TLL2: variants seen among roughly 807,000 people sequenced by gnomAD.
The protein encoded by TLL2 is tolloid-like protein 2.
In TLL2, 106 loss-of-function variants were observed where a neutral mutation model predicts 123.0. The observed-to-expected ratio is 0.86, with a 90% CI of 0.74 to 1.01. The LOEUF is 1.01. Among genes scored for constraint, TLL2 ranks in the 50% least tolerant of loss-of-function variants. The pLI is 0.00. For synonymous variants in TLL2, 494 were observed against 516.8 expected, an observed-to-expected ratio of 0.96 and a Z score of 0.60; for missense variants, 1,332 against 1,336.7, an observed-to-expected ratio of 1.00 and a Z score of 0.06.
In TLL2 at chr10:96,365,185, G is replaced by A. The variant is rs896329803; in HGVS notation, c.*2903C>T. 14 of 152,100 alleles carry A rather than the reference G, an allele frequency of 9.2e-5. No individual in the cohort carries two copies. Among genetic ancestry groups the A allele is most frequent in the African/African-American group, 3.1e-4 (13 of 41,412 alleles). The allele number at this position is 152,100 out of a possible 1,614,324, so 9.4% of individuals were successfully genotyped here. On this transcript the variant is annotated 3_prime_UTR_variant, in exon 21 of 21. Transcript: ENST00000357947. ...TTTGTGTCGGGCCATATTCAAAGCCGTCCTGGGCCAAGGGTTGGACAAGCT... is the reference window on the plus strand; with the variant it reads ...TTTGTGTCGGGCCATATTCAAAGCCATCCTGGGCCAAGGGTTGGACAAGCT...
At position 96,421,049 on chromosome 10, in the gene TLL2, T is replaced by C. The variant is rs758997182; in HGVS notation, c.830A>G (p.Asn277Ser). ...TTCCCCAGCTTCCATTTTTAAGAAA[T>C]TATACTCCTGACCTGTGACACAACA... ...RENIQPGQEY[N>S]FLKMEAGEVS... Residue 277 changes from asparagine to serine, a missense_variant, in exon 7 of 21, where the codon AAT (asparagine) becomes AGT (serine). Asn to Ser is a conservative substitution (Grantham distance 46). Transcript: ENST00000357947. The C allele has an allele frequency of 1.2e-6, 2 of 1,613,924 alleles. No individual in the cohort carries two copies. Among genetic ancestry groups the C allele is most frequent in the South Asian group, 2.2e-5 (2 of 91,080 alleles).
intron 4 of TLL2, among the ~76,000 whole-genome samples, chr10:96,431,560 T>C (rs905242994): frequency 2.0e-5 from 3 of 152,124 alleles, no homozygotes; most frequent in African/African-American, 4.8e-5. Flanking sequence ...AGGCTTTCCA[T>C]TGACATTGGC....
At chr10:96,466,877 G>A (rs1847137344) in intron 2 of TLL2, among the ~76,000 whole-genome samples, 1 of 152,170 alleles carries the variant, frequency 6.6e-6, no homozygotes, top group Non-Finnish European at 1.5e-5. Context: ...ACTCATTCTT[G>A]GACCTCAGGA....
chr10:96,396,215 T>C (rs1201801724), intron 11 of TLL2, among the ~76,000 whole-genome samples, 195 bp from the exon 12 acceptor site: 2 of 149,258 alleles, frequency 1.3e-5, no homozygotes, highest in Non-Finnish European at 3.0e-5. Flanking sequence ...CTGAATTTTT[T>C]TCATATAAAG....
intron 13 of TLL2, among the ~76,000 whole-genome samples, chr10:96,388,231 G>A (rs1440895597): frequency 1.3e-5 from 2 of 152,070 alleles, no homozygotes; most frequent in African/African-American, 4.8e-5. Context: ...GTGAAACCCC[G>A]TCTCTACTAA....
intron 5 of TLL2, among the ~76,000 whole-genome samples, chr10:96,428,201 A>G (rs1422054030): frequency 6.6e-6 from 1 of 152,206 alleles, no homozygotes; most frequent in East Asian, 1.9e-4. Context: ...TCATTTTATT[A>G]CATATTATGT....
rs559109922 is a variant in TLL2, at chr10:96,395,065, G to A, written c.1726+122C>T. ...ACACCCAGCTCTGAAATGCATCGCT[G>A]CCTTTTCTCTGCAGGGAGCCTTGTT... is the stretch of plus-strand genomic sequence containing the variant. On this transcript the variant is annotated intron_variant, in intron 13 of 20. Coordinates refer to ENST00000357947, the MANE Select transcript of TLL2 (RefSeq NM_012465.4). 35 of 1,057,146 alleles carry A rather than the reference G, an allele frequency of 3.3e-5. No individual in the cohort carries two copies. In the African/African-American group the frequency reaches 4.1e-4, roughly 12 times the overall value. The allele number at this position is 1,057,146 out of a possible 1,614,324, so 65.5% of individuals were successfully genotyped here.
intron 2 of TLL2, among the ~76,000 whole-genome samples, chr10:96,465,523 C>T (rs1248334036): frequency 6.6e-6 from 1 of 152,152 alleles, no homozygotes; most frequent in African/African-American, 2.4e-5. Context: ...GAGACTGAAC[C>T]CTCAAGAAAA....
chr10:96,445,165 G>A (rs1181172359), intron 3 of TLL2, among the ~76,000 whole-genome samples: 1 of 152,160 alleles, frequency 6.6e-6, no homozygotes, highest in Non-Finnish European at 1.5e-5. Context: ...CTCCAGCCTG[G>A]GCGACAGAGC....
chr10:96,466,947 T>A (rs1230256159), intron 2 of TLL2, among the ~76,000 whole-genome samples: 1 of 152,178 alleles, frequency 6.6e-6, no homozygotes, highest in Non-Finnish European at 1.5e-5. Context: ...CAAGGTGAAG[T>A]AACATCTTCA....
Position 96,364,733 on chromosome 10 carries a change from AT to A in TLL2, c.*3354del, listed in dbSNP as rs2134046421. The A allele has an allele frequency of 6.5e-6, 1 of 152,758 alleles. No homozygotes were observed. The highest frequency in any genetic ancestry group is 2.1e-4 in the South Asian group (1 of 4,828). The allele number at this position is 152,758 out of a possible 1,614,324, so 9.5% of individuals were successfully genotyped here. A position where few individuals can be genotyped will look rare whatever the true frequency, so the allele number is the denominator to read the frequency against. ...AAATTACACAAAATAAAAAATACCC[AT>A]ATGTTTACATATAATACTTTAAACA... On this transcript the variant is annotated 3_prime_UTR_variant, in exon 21 of 21. Coordinates refer to ENST00000357947, the MANE Select transcript of TLL2 (RefSeq NM_012465.4).
At chr10:96,386,557 C>T (rs183466598) in intron 14 of TLL2, among the ~76,000 whole-genome samples, 73 of 152,302 alleles carry the variant, frequency 4.8e-4, no homozygotes, top group Non-Finnish European at 9.3e-4. Flanking sequence ...CATGAACAAG[C>T]GGATTCATGC....
chr10:96,455,787 C>T (rs1250336391), intron 2 of TLL2, among the ~76,000 whole-genome samples: 2 of 152,194 alleles, frequency 1.3e-5, no homozygotes, highest in African/African-American at 4.8e-5. Flanking sequence ...TATGGAGTAG[C>T]CATTCTTTCA....
intron 20 of TLL2, among the ~76,000 whole-genome samples, chr10:96,369,813 G>T (rs1048194416): frequency 1.3e-5 from 2 of 151,684 alleles, no homozygotes; most frequent in Non-Finnish European, 2.9e-5. Context: ...ATAGGTGAAA[G>T]TCCCAAAAGG....
intron 2 of TLL2, among the ~76,000 whole-genome samples, chr10:96,446,563 G>T (rs1370958853): frequency 6.6e-6 from 1 of 152,148 alleles, no homozygotes. Flanking sequence ...GCTTGGTGCA[G>T]AACACAGGGA....
At chr10:96,409,267 T>G (rs557466267) in intron 9 of TLL2, among the ~76,000 whole-genome samples, 3 of 152,188 alleles carry the variant, frequency 2.0e-5, no homozygotes, top group Admixed American at 6.5e-5. Context: ...TGGGGCTGAA[T>G]GATCTCCAAC....
chr10:96,475,310 G>A (rs1257880757), intron 2 of TLL2, among the ~76,000 whole-genome samples: 2 of 152,098 alleles, frequency 1.3e-5, no homozygotes, highest in Non-Finnish European at 2.9e-5. Flanking sequence ...TGCACTAAGT[G>A]GGCTCTTAAG....
intron 20 of TLL2, among the ~76,000 whole-genome samples, chr10:96,368,626 A>G (rs974914278): frequency 6.6e-6 from 1 of 152,192 alleles, no homozygotes; most frequent in Non-Finnish European, 1.5e-5. Context: ...GGTCCTTCTG[A>G]CAGTAAAGGA....
intron 10 of TLL2, among the ~76,000 whole-genome samples, chr10:96,399,589 C>G (rs1398070067): frequency 1.3e-5 from 2 of 152,204 alleles, no homozygotes; most frequent in Non-Finnish European, 2.9e-5. Flanking sequence ...AAAAATCCAC[C>G]AGAAGCCTTT....
Sources: allele counts gnomAD v4.1 joint callset (sites outside exome capture counted in the v4.1 genomes callset), GRCh38; gene constraint gnomAD v4.1.1; transcripts MANE v1.5; gene names NCBI Gene and HGNC (gene_info 2026-07-23, HGNC 2026-07-21).